Variants in PTPRN2 observed in about 807,000 individuals in gnomAD.
PTPRN2 encodes protein tyrosine phosphatase receptor type N2.
A neutral mutation model predicts 118.8 loss-of-function variants in PTPRN2; 74 were observed. The observed-to-expected ratio is 0.62, with a 90% CI of 0.52 to 0.76. PTPRN2 has a LOEUF of 0.76. Ranked by LOEUF, PTPRN2 falls within the 30% of genes least tolerant of loss-of-function variation. The pLI, the probability that PTPRN2 is intolerant of heterozygous loss-of-function variation, is 0.00. For missense variants in PTPRN2, 1,481 were observed against 1,394.4 expected (o/e 1.06, Z -0.99); for synonymous variants, 641 against 608.0 (o/e 1.05, Z -0.80).
intron 11 of PTPRN2, among the ~76,000 whole-genome samples, chr7:157,933,754 G>A (rs1296970907): frequency 2.9e-5 from 4 of 138,650 alleles, no homozygotes; most frequent in South Asian, 2.4e-4. Flanking sequence ...TAGAGGAGGG[G>A]TGAGTCACTC....
intron 21 of PTPRN2, among the ~76,000 whole-genome samples, chr7:157,555,632 G>T (rs1798839436): frequency 6.6e-6 from 1 of 151,690 alleles, no homozygotes; most frequent in African/African-American, 2.4e-5. Context: ...ATGAGCGCAG[G>T]TAAGTTTTAT....
intron 2 of PTPRN2, among the ~76,000 whole-genome samples, chr7:158,350,364 G>C (rs1020415821): frequency 2.5e-4 from 38 of 152,184 alleles, no homozygotes; most frequent in African/African-American, 8.9e-4. Flanking sequence ...ACATGTACAG[G>C]GTACCTGCTT....
Position 157,827,381 on chromosome 7 carries a change from AACACAACACAAC to A in PTPRN2, c.1788+71280_1788+71291del, listed in dbSNP as rs1807246949. ...CAGAGACCACAACACAACACAACAC[AACACAACACAAC>A]ACAACACAACACAACACAGTGTGGG... On this transcript the variant is annotated intron_variant, in intron 12 of 22. Coordinates refer to ENST00000389418, the MANE Select transcript of PTPRN2 (RefSeq NM_002847.5). Among the ~76,000 whole-genome samples the A allele has an allele frequency of 2.0e-5, 3 of 151,558 alleles. No homozygotes were observed. The South Asian group carries it at 6.5e-4, about 33-fold the overall frequency.
intron 5 of PTPRN2, among the ~76,000 whole-genome samples, chr7:158,175,232 G>A (rs182308680): frequency 2.1e-3 from 325 of 152,304 alleles, no homozygotes; most frequent in African/African-American, 7.4e-3. Context: ...CCTTGATCAC[G>A]GCGTGCTTGC....
intron 2 of PTPRN2, among the ~76,000 whole-genome samples, chr7:158,417,450 G>A (rs1454267595): frequency 6.7e-6 from 1 of 149,238 alleles, no homozygotes; most frequent in East Asian, 2.0e-4. Context: ...AGCTTTCAGT[G>A]TCCCGCTGTG....
At chr7:158,195,675 T>C (rs1826160030) in intron 4 of PTPRN2, among the ~76,000 whole-genome samples, 1 of 152,058 alleles carries the variant, frequency 6.6e-6, no homozygotes, top group African/African-American at 2.4e-5. Flanking sequence ...TATTGCTGTG[T>C]CTTCAAGTTC....
intron 6 of PTPRN2, among the ~76,000 whole-genome samples, chr7:158,164,300 G>A (rs111661452): frequency 4.7e-5 from 7 of 149,758 alleles, no homozygotes; most frequent in African/African-American, 9.9e-5. Context: ...GGAAGGGCAC[G>A]CAGAGCAGGA....
At chr7:158,186,062 G>A (rs1825103710) in intron 5 of PTPRN2, among the ~76,000 whole-genome samples, 1 of 152,154 alleles carries the variant, frequency 6.6e-6, no homozygotes, top group African/African-American at 2.4e-5. Context: ...CTCAGCGAAA[G>A]CCCACAGGAA....
intron 15 of PTPRN2, among the ~76,000 whole-genome samples, chr7:157,613,320 A>C (rs1455292202): frequency 6.6e-6 from 1 of 152,226 alleles, no homozygotes; most frequent in Admixed American, 6.5e-5. Context: ...CTCTTCTCAC[A>C]GACACAAAAC....
intron 12 of PTPRN2, among the ~76,000 whole-genome samples, chr7:157,776,045 C>T (rs1803193827): frequency 1.3e-5 from 2 of 151,620 alleles, no homozygotes; most frequent in Non-Finnish European, 1.5e-5. Flanking sequence ...GGGGGCGTCA[C>T]CTCCTCCCTC....
chr7:157,543,155 C>G (rs1054026535), intron 22 of PTPRN2, among the ~76,000 whole-genome samples: 11 of 152,166 alleles, frequency 7.2e-5, no homozygotes, highest in Non-Finnish European at 1.5e-4. Flanking sequence ...GACCAGATGA[C>G]CATCTTAGCC....
intron 11 of PTPRN2, among the ~76,000 whole-genome samples, chr7:157,967,875 G>T (rs921766894): frequency 6.6e-6 from 1 of 152,222 alleles, no homozygotes; most frequent in Non-Finnish European, 1.5e-5. Flanking sequence ...TGGGACACAA[G>T]TCCATGGAGG....
intron 3 of PTPRN2, among the ~76,000 whole-genome samples, chr7:158,209,514 A>T (rs192414637): frequency 6.6e-6 from 1 of 152,354 alleles, no homozygotes; most frequent in East Asian, 1.9e-4. Flanking sequence ...GTAAATATAT[A>T]TGTACCCAAC....
intron 1 of PTPRN2, among the ~76,000 whole-genome samples, chr7:158,568,354 C>T (rs1033930581): frequency 5.3e-5 from 8 of 151,956 alleles, no homozygotes; most frequent in African/African-American, 1.2e-4. Flanking sequence ...GGAGATGAAC[C>T]GCCCAAGCTC....
rs1354269628 is a variant in PTPRN2 at position 157,801,068 on chromosome 7, C to T, written c.1788+97605G>A. On this transcript the variant is annotated intron_variant, in intron 12 of 22. Transcript: ENST00000389418. The surrounding 1 kb of genome is among the most constrained non-coding windows in gnomAD (Gnocchi z 4.2). ...ACACATATATACACATATATATACA[C>T]ATATATATACACACACACACACATA... Among the ~76,000 whole-genome samples, 1 of 147,350 alleles carries T rather than the reference C, an allele frequency of 6.8e-6. No homozygotes were observed. Among genetic ancestry groups the T allele is most frequent in the Non-Finnish European group, 1.5e-5 (1 of 66,742 alleles).
At chr7:158,440,184 GC>G (rs1182661675) in intron 2 of PTPRN2, among the ~76,000 whole-genome samples, 1 of 152,204 alleles carries the variant, frequency 6.6e-6, no homozygotes, top group East Asian at 1.9e-4. Context: ...GCTCAAAGCT[GC>G]CTTCTGGTAG....
chr7:158,485,641 C>G (rs149647862), intron 2 of PTPRN2, among the ~76,000 whole-genome samples: 2,196 of 150,344 alleles, frequency 0.015, 180 homozygotes, highest in Non-Finnish European at 0.022. Flanking sequence ...CTCTGCACCC[C>G]TCCTGCACAG....
At chr7:157,664,246 C>T (rs10274715) in intron 13 of PTPRN2, among the ~76,000 whole-genome samples, 58,470 of 152,184 alleles carry the variant, frequency 0.38, 12,300 homozygotes, top group Non-Finnish European at 0.49. Flanking sequence ...GAATGGACAG[C>T]GTGGCACACA....
intron 10 of PTPRN2, among the ~76,000 whole-genome samples, chr7:158,097,883 T>C (rs559684250): frequency 1.3e-5 from 2 of 152,004 alleles, no homozygotes; most frequent in South Asian, 4.2e-4. Flanking sequence ...AGTCTGAGAG[T>C]GACAGCTTGC....
Sources: gnomAD v4.1 joint callset for allele counts (sites outside exome capture counted in the v4.1 genomes callset) on GRCh38, gnomAD v4.1.1 for gene constraint, Gnocchi (gnomAD v3.1) non-coding constraint, MANE v1.5 for transcripts, NCBI Gene and HGNC (gene_info 2026-07-23, HGNC 2026-07-21) for gene names.